The following PDE3A variants were observed in gnomAD, a reference collection of about 807,000 sequenced individuals.
PDE3A encodes cGMP-inhibited 3',5'-cyclic phosphodiesterase 3A.
Under a neutral mutation model 98.3 loss-of-function variants are expected in PDE3A, and 43 were observed. The ratio of observed to expected loss-of-function variants is 0.44; its 90% CI spans 0.34 to 0.56. The LOEUF (loss-of-function observed/expected upper bound fraction) is 0.56, where lower values mean the gene tolerates loss of function less well. PDE3A is among the 20% of genes least tolerant of loss of function. The pLI is 0.01. For missense variants in PDE3A, 1,427 were observed against 1,440.7 expected, an observed-to-expected ratio of 0.99 and a Z score of 0.15; for synonymous variants, 663 against 567.9, an observed-to-expected ratio of 1.17 and a Z score of -2.38.
At chr12:20,382,391 A>G (rs976753043) in intron 1 of PDE3A, among the ~76,000 whole-genome samples, 5 of 151,950 alleles carry the variant, frequency 3.3e-5, no homozygotes, top group African/African-American at 7.2e-5. Flanking sequence ...CACACGCACT[A>G]TAGTTTATGA....
At chr12:20,676,429 G>A (rs944809241) in intron 15 of PDE3A, among the ~76,000 whole-genome samples, 2 of 151,026 alleles carry the variant, frequency 1.3e-5, no homozygotes, top group East Asian at 3.9e-4. Context: ...CTGTTAGTCT[G>A]ATTGGAGTTT....
chr12:20,530,724 A>T (rs1946609986), intron 1 of PDE3A, among the ~76,000 whole-genome samples: 1 of 152,174 alleles, frequency 6.6e-6, no homozygotes, highest in Non-Finnish European at 1.5e-5. Flanking sequence ...GTAATTTAAA[A>T]AGAGACATGA....
chr12:20,548,332 G>A (rs554920451), intron 1 of PDE3A, among the ~76,000 whole-genome samples: 1 of 152,060 alleles, frequency 6.6e-6, no homozygotes, highest in Non-Finnish European at 1.5e-5. Flanking sequence ...TAACCTTGGT[G>A]ACCTATATAT....
At chr12:20,660,739 A>T (rs931253961) in intron 15 of PDE3A, among the ~76,000 whole-genome samples, 5 of 152,112 alleles carry the variant, frequency 3.3e-5, no homozygotes, top group Admixed American at 1.3e-4. Context: ...GCCTTCCTGT[A>T]TGATTGTGAG....
chr12:20,587,963 C>A (rs1220666118), intron 2 of PDE3A, among the ~76,000 whole-genome samples: 1 of 152,218 alleles, frequency 6.6e-6, no homozygotes, highest in African/African-American at 2.4e-5. Context: ...CCAAATACCA[C>A]TGCAGCTCAG....
At chr12:20,516,068 T>C (rs958972835) in intron 1 of PDE3A, among the ~76,000 whole-genome samples, 7 of 151,926 alleles carry the variant, frequency 4.6e-5, no homozygotes, top group African/African-American at 1.7e-4. Context: ...GGCTTAGTAT[T>C]CTCTGGGCAG....
chr12:20,369,920 C>T lies in PDE3A; in HGVS notation c.636C>T (p.Val212=), dbSNP rs1943433748. 6.2e-7 allele frequency: 1 copy of T among 1,613,462 alleles called. No individual in the cohort carries two copies. The highest frequency in any genetic ancestry group is 8.5e-7 in the Non-Finnish European group (1 of 1,179,984). ...TWLVLRLRLG[V]LMIALTSAVR... is the part of the protein sequence containing the mutation. ...TGGTGCTGAGGCTGAGGCTGGGCGT[C>T]CTCATGATCGCCTTGACTAGCGCGG... Residue 212 remains valine (V), a synonymous_variant, in exon 1 of 16, where the codon GTC becomes GTT. Coordinates refer to ENST00000359062, the MANE Select transcript of PDE3A (RefSeq NM_000921.5).
rs745632308 is a variant in PDE3A at position 20,680,197 on chromosome 12, G to C, written c.3352G>C (p.Ala1118Pro). ...PQSHSSEQIQ[A>P]IKEEEEEKGK... The stretch of plus-strand genomic sequence containing the variant: ...GTCGCACTCTTCAGAACAGATCCAG[G>C]CTATCAAGGAAGAAGAAGAAGAGAA... The change falls in exon 16 of 16, where the codon GCT becomes CCT. Residue 1118 changes from alanine to proline, a missense_variant. By Grantham distance (27) the Ala-to-Pro change is conservative. Coordinates refer to ENST00000359062, the MANE Select transcript of PDE3A (RefSeq NM_000921.5). 6.2e-7 allele frequency: 1 copy of C among 1,613,774 alleles called. No homozygotes were observed. Among genetic ancestry groups the C allele is most frequent in the Middle Eastern group, 1.6e-4 (1 of 6,062 alleles).
intron 1 of PDE3A, among the ~76,000 whole-genome samples, chr12:20,426,474 G>A (rs1029056426): frequency 5.9e-5 from 9 of 152,124 alleles, no homozygotes; most frequent in African/African-American, 1.2e-4. Flanking sequence ...CACACTGGCC[G>A]CATCACGGCT....
At chr12:20,540,027 T>C (rs1211709155) in intron 1 of PDE3A, among the ~76,000 whole-genome samples, 1 of 152,154 alleles carries the variant, frequency 6.6e-6, no homozygotes, top group Non-Finnish European at 1.5e-5. Flanking sequence ...CCTTAACCAC[T>C]GTGCAATGTT....
intron 15 of PDE3A, among the ~76,000 whole-genome samples, chr12:20,658,497 A>T (rs1945092023): frequency 6.6e-6 from 1 of 152,244 alleles, no homozygotes; most frequent in Non-Finnish European, 1.5e-5. Flanking sequence ...CGAAGGCGTT[A>T]TTCAAGACTA....
At chr12:20,648,522 AAT>A (rs1944828741) in intron 12 of PDE3A, among the ~76,000 whole-genome samples, 164 bp from the exon 13 acceptor site, 1 of 152,180 alleles carries the variant, frequency 6.6e-6, no homozygotes, top group South Asian at 2.1e-4. Flanking sequence ...CAAGAAAAAT[AAT>A]AGAGTCATTG....
intron 1 of PDE3A, among the ~76,000 whole-genome samples, chr12:20,524,814 C>T (rs1946485898): frequency 6.6e-6 from 1 of 152,004 alleles, no homozygotes; most frequent in Non-Finnish European, 1.5e-5. Context: ...CAGAGGTAAC[C>T]TCTGTGCACT....
intron 15 of PDE3A, among the ~76,000 whole-genome samples, chr12:20,674,925 A>C (rs1945594578): frequency 6.6e-6 from 1 of 151,638 alleles, no homozygotes; most frequent in African/African-American, 2.4e-5. Context: ...GTACTTTTTA[A>C]ATTTTTATTT....
At chr12:20,497,251 A>G (rs2121068639) in intron 1 of PDE3A, among the ~76,000 whole-genome samples, 1 of 152,274 alleles carries the variant, frequency 6.6e-6, no homozygotes, top group East Asian at 1.9e-4. Context: ...CAATCCCAGA[A>G]ACATAACTTA....
intron 1 of PDE3A, among the ~76,000 whole-genome samples, chr12:20,496,876 G>A (rs1024777575): frequency 6.6e-6 from 1 of 152,124 alleles, no homozygotes; most frequent in Non-Finnish European, 1.5e-5. Flanking sequence ...AGAGAAAGTT[G>A]AACAGATTCC....
At chr12:20,678,606 C>T (rs1945696101) in intron 15 of PDE3A, among the ~76,000 whole-genome samples, 1 of 152,210 alleles carries the variant, frequency 6.6e-6, no homozygotes, top group African/African-American at 2.4e-5. Flanking sequence ...TTGTCTCTGC[C>T]TCACCTGCCT....
intron 1 of PDE3A, among the ~76,000 whole-genome samples, chr12:20,456,553 A>T (rs893204662): frequency 6.6e-6 from 1 of 152,128 alleles, no homozygotes; most frequent in Admixed American, 6.6e-5. Context: ...TTATAATAAC[A>T]GACCAGAGTT....
At chr12:20,618,944 T>A (rs977695698) in intron 4 of PDE3A, among the ~76,000 whole-genome samples, 4 of 151,996 alleles carry the variant, frequency 2.6e-5, no homozygotes, top group Non-Finnish European at 5.9e-5. Flanking sequence ...AAGATTGAGA[T>A]CTTCCATCAC....
Sources: allele counts gnomAD v4.1 joint callset (sites outside exome capture counted in the v4.1 genomes callset), GRCh38; gene constraint gnomAD v4.1.1; transcripts MANE v1.5; gene names NCBI Gene and HGNC (gene_info 2026-07-23, HGNC 2026-07-21).